Variants in RHBDD1 observed in about 807,000 individuals in gnomAD.
The protein encoded by RHBDD1 is rhomboid domain containing 1, also known as rhomboid-related protein 4.
RHBDD1 carries 38 observed loss-of-function variants against 36.3 expected under a neutral mutation model. That is an observed-to-expected ratio of 1.05 (90% CI 0.81 to 1.37). The LOEUF is 1.37. Among genes scored for constraint, RHBDD1 ranks in the 40% most tolerant of loss-of-function variants. The pLI, the probability that RHBDD1 is intolerant of heterozygous loss-of-function variation, is 0.00. For synonymous variants in RHBDD1, 151 were observed against 136.5 expected (o/e 1.11, Z -0.74); for missense variants, 393 against 377.6 (o/e 1.04, Z -0.34).
rs542258958 is a variant in RHBDD1 at position 226,923,280 on chromosome 2, G to T, written c.856+8929G>T. On this transcript the variant is annotated intron_variant, in intron 8 of 8. Coordinates refer to ENST00000392062, the MANE Select transcript of RHBDD1 (RefSeq NM_001167608.3). ...GCCTTCATGTTTGAAGGATATTTTC[G>T]CTGGATATACTATTATAGGATAAAT... is the stretch of plus-strand genomic sequence containing the variant. Among the ~76,000 whole-genome samples the T allele has an allele frequency of 7.9e-5, 12 of 152,076 alleles. No homozygotes were observed. The South Asian group carries it at 2.5e-3, about 32-fold the overall frequency.
intron 5 of RHBDD1, among the ~76,000 whole-genome samples, chr2:226,893,108 G>A (rs527239605): frequency 6.6e-6 from 1 of 152,242 alleles, no homozygotes; most frequent in South Asian, 2.1e-4. Context: ...TCATGTGTCT[G>A]TATGATGAAC....
chr2:226,874,244 C>G (rs532760039), intron 5 of RHBDD1, among the ~76,000 whole-genome samples: 2 of 152,102 alleles, frequency 1.3e-5, no homozygotes, highest in African/African-American at 4.8e-5. Context: ...TCTGCATGGA[C>G]AGTGCCATTA....
At chr2:226,909,682 A>G (rs1327746931) in intron 7 of RHBDD1, among the ~76,000 whole-genome samples, 1 of 152,112 alleles carries the variant, frequency 6.6e-6, no homozygotes, top group Non-Finnish European at 1.5e-5. Context: ...TAGCTTCCTC[A>G]CTGCCACATG....
chr2:226,906,384 A>G (rs73085848), intron 5 of RHBDD1, among the ~76,000 whole-genome samples: 2,707 of 152,272 alleles, frequency 0.018, 69 homozygotes, highest in African/African-American at 0.062. Flanking sequence ...CATAACACAG[A>G]TAGACATCAT....
chr2:226,845,572 A>G (rs1942126224), intron 3 of RHBDD1, among the ~76,000 whole-genome samples: 1 of 152,156 alleles, frequency 6.6e-6, no homozygotes, highest in African/African-American at 2.4e-5. Flanking sequence ...CTTTACTTTC[A>G]GTTCCCTGAC....
chr2:226,988,991 C>T (rs1188863690), intron 8 of RHBDD1, among the ~76,000 whole-genome samples: 1 of 152,204 alleles, frequency 6.6e-6, no homozygotes, highest in African/African-American at 2.4e-5. Flanking sequence ...GACCCTGTCT[C>T]CAAGTCGTAA....
chr2:226,829,976 G>GTT, the RHBDD1 span, among the ~76,000 whole-genome samples: 1 of 146,250 alleles, frequency 6.8e-6, no homozygotes. Flanking sequence ...TTGACTGTAG[G>GTT]TTTTTTTTTT....
chr2:226,964,243 G>T (rs1441358089), intron 8 of RHBDD1, among the ~76,000 whole-genome samples: 2 of 152,172 alleles, frequency 1.3e-5, no homozygotes, highest in East Asian at 3.8e-4. Context: ...CTACAGTCAT[G>T]TTGCTACTCC....
At chr2:226,865,908 G>T (rs1297013226) in intron 4 of RHBDD1, among the ~76,000 whole-genome samples, 1 of 152,180 alleles carries the variant, frequency 6.6e-6, no homozygotes, top group East Asian at 1.9e-4. Context: ...CTGGAGAACT[G>T]TCCTGCGATG....
chr2:226,839,089 A>T (rs1164041277), intron 2 of RHBDD1, among the ~76,000 whole-genome samples: 5 of 152,200 alleles, frequency 3.3e-5, no homozygotes, highest in African/African-American at 4.8e-5. Context: ...GAAAAGTTTT[A>T]CATTACATTT....
the RHBDD1 span, among the ~76,000 whole-genome samples, chr2:226,801,224 C>G: frequency 6.6e-6 from 1 of 152,218 alleles, no homozygotes; most frequent in African/African-American, 2.4e-5. Context: ...CGCGGGGGAG[C>G]GCGCCTCGGC....
Position 226,867,304 on chromosome 2 carries a change from T to C in RHBDD1, c.552T>C (p.His184=). The change falls in exon 5 of 9, where the codon CAT becomes CAC. Residue 184 remains histidine (H), a synonymous_variant. Coordinates refer to ENST00000392062, the MANE Select transcript of RHBDD1 (RefSeq NM_001167608.3). ...FACWVELVAI[H]LFSPGTSFAG... ...GTTGGGTCGAACTTGTGGCTATTCA[T>C]TTATTCTCACCAGGGTAAGTGTTTT... 1 of 1,613,516 alleles carries C rather than the reference T, an allele frequency of 6.2e-7. No individual in the cohort carries two copies. The highest frequency in any genetic ancestry group is 8.5e-7 in the Non-Finnish European group (1 of 1,179,862).
At chr2:226,988,322 A>G (rs1165512273) in intron 8 of RHBDD1, 1 of 1,548,312 alleles carries the variant, frequency 6.5e-7, no homozygotes, top group Non-Finnish European at 8.7e-7. Flanking sequence ...CCCCACCTGA[A>G]CATCTGCAGG....
At chr2:226,993,288 T>C (rs192156704) in intron 8 of RHBDD1, among the ~76,000 whole-genome samples, 171 of 152,342 alleles carry the variant, frequency 1.1e-3, no homozygotes, top group African/African-American at 4.0e-3. Flanking sequence ...CTCCATGGGT[T>C]TCTGCCCTGT....
chr2:226,984,328 A>G (rs533168461), intron 8 of RHBDD1, among the ~76,000 whole-genome samples: 5 of 152,350 alleles, frequency 3.3e-5, no homozygotes, highest in Non-Finnish European at 7.3e-5. Context: ...CCAGGTACTA[A>G]TATGATCAGG....
At chr2:226,874,872 C>G (rs1945093014) in intron 5 of RHBDD1, among the ~76,000 whole-genome samples, 1 of 152,164 alleles carries the variant, frequency 6.6e-6, no homozygotes, top group South Asian at 2.1e-4. Context: ...GTGTCTCAGC[C>G]TGTGCGTGTG....
At chr2:226,819,333 G>T in the RHBDD1 span, among the ~76,000 whole-genome samples, 1 of 152,288 alleles carries the variant, frequency 6.6e-6, no homozygotes, top group Non-Finnish European at 1.5e-5. Flanking sequence ...TACACAATTT[G>T]CCATGTCTAA....
At chr2:226,903,736 A>G (rs1947791001) in intron 5 of RHBDD1, among the ~76,000 whole-genome samples, 2 of 152,172 alleles carry the variant, frequency 1.3e-5, no homozygotes, top group African/African-American at 4.8e-5. Flanking sequence ...CTAAATGGGA[A>G]CAGGCATTCC....
Position 226,994,197 on chromosome 2 carries a change from T to A in RHBDD1, c.857-1234T>A, listed in dbSNP as rs182666715. On this transcript the variant is annotated intron_variant, in intron 8 of 8. Transcript: ENST00000392062. ...AGCATTGGAAGTCATAAGCAGGTGC[T>A]GTTGAGTCAAGTCCATATATTTATT... is the stretch of plus-strand genomic sequence containing the variant. 5.5e-3 allele frequency among the ~76,000 whole-genome samples: 839 copies of A among 152,328 alleles called. 10 individuals are homozygous for A. The highest frequency in any genetic ancestry group is 0.019 in the African/African-American group (809 of 41,568).
Sources: allele counts gnomAD v4.1 joint callset (sites outside exome capture counted in the v4.1 genomes callset), GRCh38; gene constraint gnomAD v4.1.1; transcripts MANE v1.5; gene names NCBI Gene and HGNC (gene_info 2026-07-23, HGNC 2026-07-21).